Variants in ANKRD36C observed in about 807,000 individuals in gnomAD.
The protein encoded by ANKRD36C is ankyrin repeat domain-containing protein 36C.
ANKRD36C carries 61 observed loss-of-function variants against 276.4 expected under a neutral mutation model. The observed-to-expected ratio is 0.22, with a 90% confidence interval of 0.18 to 0.27. ANKRD36C has a LOEUF of 0.27. Among genes scored for constraint, ANKRD36C ranks in the 10% least tolerant of loss-of-function variants. The pLI is 1.00. For synonymous variants in ANKRD36C, 483 were observed against 680.1 expected, an observed-to-expected ratio of 0.71 and a Z score of 4.51; for missense variants, 1,447 against 2,032.3, an observed-to-expected ratio of 0.71 and a Z score of 5.54.
intron 3 of ANKRD36C, among the ~76,000 whole-genome samples, chr2:95,986,423 A>T (rs1006830030): frequency 2.6e-5 from 4 of 152,212 alleles, no homozygotes; most frequent in African/African-American, 9.7e-5. Context: ...TTCCTGTGTC[A>T]CTTCACACTG....
At chr2:95,933,756 C>G (rs1461145570) in intron 24 of ANKRD36C, among the ~76,000 whole-genome samples, 3 of 152,022 alleles carry the variant, frequency 2.0e-5, no homozygotes, top group African/African-American at 7.2e-5. Flanking sequence ...ATTTGAATAC[C>G]CTTTATTTTT....
chr2:95,888,187 C>T, intron 48 of ANKRD36C, 67 bp from the exon 69 acceptor site: 2 of 1,599,716 alleles, frequency 1.3e-6, no homozygotes, highest in East Asian at 4.5e-5. Flanking sequence ...TACATTCATG[C>T]ACTGTTGGCA....
chr2:95,978,576 T>C (rs1678858051), intron 5 of ANKRD36C, among the ~76,000 whole-genome samples: 2 of 152,152 alleles, frequency 1.3e-5, no homozygotes, highest in African/African-American at 4.8e-5. Context: ...ATAGGTTTAA[T>C]GAAGTAGCAT....
chr2:95,870,556 A>G (rs1224150488), intron 59 of ANKRD36C, among the ~76,000 whole-genome samples: 2 of 152,182 alleles, frequency 1.3e-5, no homozygotes, highest in African/African-American at 4.8e-5. Flanking sequence ...AAAACCTCAA[A>G]GATGGGGAAA....
intron 6 of ANKRD36C, among the ~76,000 whole-genome samples, chr2:95,976,936 CT>C (rs1558662722): frequency 6.6e-6 from 1 of 151,946 alleles, no homozygotes; most frequent in Admixed American, 6.6e-5. Flanking sequence ...TTCACCAACT[CT>C]TTTTTTCCTG....
intron 39 of ANKRD36C, 31 bp downstream of exon 41, chr2:95,914,244 T>C (rs1573761848): frequency 1.9e-6 from 3 of 1,555,056 alleles, no homozygotes; most frequent in South Asian, 1.2e-5. Context: ...ATGCATTTAC[T>C]AGGTCACAAT....
intron 44 of ANKRD36C, among the ~76,000 whole-genome samples, 154 bp downstream of exon 64, chr2:95,893,379 T>A (rs573458732): frequency 1.3e-5 from 2 of 151,246 alleles, no homozygotes; most frequent in African/African-American, 4.9e-5. Context: ...ACCAGCAGCA[T>A]CAGCATCACC....
At chr2:95,966,337 T>C (rs1481145235) in intron 6 of ANKRD36C, among the ~76,000 whole-genome samples, 1 of 138,862 alleles carries the variant, frequency 7.2e-6, no homozygotes, top group Admixed American at 7.0e-5. Context: ...CTTGAGTTAA[T>C]TTTTGTATAA....
intron 60 of ANKRD36C, among the ~76,000 whole-genome samples, chr2:95,860,784 A>G (rs1675557440): frequency 6.6e-6 from 1 of 152,188 alleles, no homozygotes; most frequent in African/African-American, 2.4e-5. Flanking sequence ...AGAGGCCAGT[A>G]AAACGAAAGC....
intron 14 of ANKRD36C, among the ~76,000 whole-genome samples, chr2:95,953,206 G>C (rs1678244326): frequency 6.6e-6 from 1 of 151,988 alleles, no homozygotes; most frequent in Non-Finnish European, 1.5e-5. Context: ...ATACAGATTT[G>C]AGCACAGAAT....
chr2:95,910,891 G>C (rs571764221), intron 42 of ANKRD36C, among the ~76,000 whole-genome samples: 17 of 151,554 alleles, frequency 1.1e-4, no homozygotes, highest in African/African-American at 2.9e-4. Context: ...GAGCAACTCA[G>C]ACACCTGAGA....
chr2:95,911,839 T>C lies in ANKRD36C; in HGVS notation c.2653+405A>G, dbSNP rs752149920. On this transcript the variant is annotated intron_variant, in intron 42 of 66. Coordinates refer to ENST00000456556, the Ensembl canonical transcript of ANKRD36C. ...ACATCAGGGGTCTCCTCAGTTCTCC[T>C]TCTACAGTGTCTATGGGTTATTATG... is the stretch of plus-strand genomic sequence containing the variant. Among the ~76,000 whole-genome samples the C allele has an allele frequency of 2.0e-5, 3 of 151,594 alleles. No homozygotes were observed. The East Asian group carries it at 5.9e-4, about 30-fold the overall frequency.
intron 52 of ANKRD36C, among the ~76,000 whole-genome samples, chr2:95,885,842 T>C (rs1389375889): frequency 6.6e-6 from 1 of 151,788 alleles, no homozygotes; most frequent in East Asian, 1.9e-4. Context: ...CCAATTTCAA[T>C]GTAGGGAAGT....
At chr2:95,917,556 G>A (rs926001864) in intron 36 of ANKRD36C, among the ~76,000 whole-genome samples, 2 of 151,472 alleles carry the variant, frequency 1.3e-5, no homozygotes, top group African/African-American at 4.8e-5. Context: ...CCATGCTGTA[G>A]AATTAAAGCA....
At chr2:95,870,469 GAA>G (rs1398700038) in intron 59 of ANKRD36C, among the ~76,000 whole-genome samples, 2 of 152,166 alleles carry the variant, frequency 1.3e-5, no homozygotes, top group African/African-American at 4.8e-5. Flanking sequence ...CTGGTAGAAG[GAA>G]AACTAACAAA....
intron 36 of ANKRD36C, 138 bp downstream of exon 38, chr2:95,917,717 G>A: frequency 8.4e-7 from 1 of 1,189,786 alleles, no homozygotes; most frequent in Non-Finnish European, 1.2e-6. Flanking sequence ...TATTACAAAT[G>A]AAGACTCTCA....
chr2:95,917,338 T>G (rs1677130442), intron 36 of ANKRD36C, among the ~76,000 whole-genome samples: 1 of 151,616 alleles, frequency 6.6e-6, no homozygotes, highest in Non-Finnish European at 1.5e-5. Flanking sequence ...CAGAAACCCC[T>G]AAATTATATA....
chr2:95,975,512 A>T (rs1332773877), intron 6 of ANKRD36C, among the ~76,000 whole-genome samples: 1 of 152,200 alleles, frequency 6.6e-6, no homozygotes, highest in African/African-American at 2.4e-5. Context: ...ACCTGAGAAA[A>T]ACAAGCAATG....
At chr2:95,896,897 C>T (rs895510265) in intron 44 of ANKRD36C, among the ~76,000 whole-genome samples, 37 of 149,150 alleles carry the variant, frequency 2.5e-4, no homozygotes, top group Non-Finnish European at 4.9e-4. Context: ...AACAAGCTTT[C>T]TGTCTTTTCT....
Sources: gnomAD v4.1 joint callset for allele counts (sites outside exome capture counted in the v4.1 genomes callset) on GRCh38, gnomAD v4.1.1 for gene constraint, MANE v1.5 for transcripts, NCBI Gene and HGNC (gene_info 2026-07-23, HGNC 2026-07-21) for gene names.